The following PLXNA4 variants were observed in gnomAD, a reference collection of about 807,000 sequenced individuals.
PLXNA4 encodes plexin-A4.
Under a neutral mutation model 191.8 loss-of-function variants are expected in PLXNA4, and 44 were observed. That is an observed-to-expected ratio of 0.23 (90% confidence interval 0.18 to 0.29). The LOEUF (loss-of-function observed/expected upper bound fraction) is 0.29, where lower values mean the gene tolerates loss of function less well. Ranked by LOEUF, PLXNA4 falls within the 10% of genes least tolerant of loss-of-function variation. PLXNA4 has a pLI of 1.00. For missense variants in PLXNA4, 1,800 were observed against 2,488.8 expected (o/e 0.72, Z 5.89); for synonymous variants, 1,082 against 1,009.5 (o/e 1.07, Z -1.36).
intron 4 of PLXNA4, among the ~76,000 whole-genome samples, chr7:132,291,782 C>A (rs1303860409): frequency 6.6e-6 from 1 of 152,092 alleles, no homozygotes; most frequent in African/African-American, 2.4e-5. Context: ...ACACTGGAAC[C>A]CAAGGAGAGT....
At chr7:132,645,629 G>A (rs1304584210) in intron 2 of PLXNA4, among the ~76,000 whole-genome samples, 1 of 152,192 alleles carries the variant, frequency 6.6e-6, no homozygotes, top group African/African-American at 2.4e-5. Context: ...CCACTGGTAG[G>A]GGCTCATCTT....
In PLXNA4 at chr7:132,254,678, C is replaced by T. The variant is rs1018656900; in HGVS notation, c.1504-13512G>A. On this transcript the variant is annotated intron_variant, in intron 4 of 31. Transcript: ENST00000321063. ...GCTGCAGACGTAATGCAGAGCTTCC[C>T]GCTTCCATCTGCCAGGAGCTGACCC... 6.6e-5 allele frequency among the ~76,000 whole-genome samples: 10 copies of T among 152,176 alleles called. No individual in the cohort carries two copies. The East Asian group carries it at 9.7e-4, about 15-fold the overall frequency.
chr7:132,383,725 C>T, intron 3 of PLXNA4: 1 of 984,088 alleles, frequency 1.0e-6, no homozygotes, highest in African/African-American at 1.7e-5. Context: ...AAATGTGTAT[C>T]TTGGTGATTA....
intron 3 of PLXNA4, among the ~76,000 whole-genome samples, chr7:132,452,294 A>G (rs558716521): frequency 6.8e-4 from 104 of 152,334 alleles, no homozygotes; most frequent in African/African-American, 2.5e-3. Flanking sequence ...AGAGACAGCA[A>G]TAAAAGGCCA....
chr7:132,280,177 A>G (rs1800427134), intron 4 of PLXNA4, among the ~76,000 whole-genome samples: 1 of 152,142 alleles, frequency 6.6e-6, no homozygotes, highest in Non-Finnish European at 1.5e-5. Context: ...AGTTTGAAAA[A>G]CACTGGCTTG....
rs777484132 is a variant in PLXNA4 at position 132,179,682 on chromosome 7, A to G, written c.3874+5T>C. On this transcript the variant is annotated splice_donor_5th_base_variant and intron_variant, in intron 20 of 31. Coordinates refer to ENST00000321063, the MANE Select transcript of PLXNA4 (RefSeq NM_020911.2). ...CATGGCCTCCAGCATGGGGCCACTC[A>G]GTACCTTCCTTGCACTCCAGGGCCA... 1.2e-6 allele frequency: 2 copies of G among 1,610,484 alleles called. No individual in the cohort carries two copies. The highest frequency in any genetic ancestry group is 1.7e-5 in the Admixed American group (1 of 59,990).
chr7:132,279,696 T>C (rs1800407201), intron 4 of PLXNA4, among the ~76,000 whole-genome samples: 1 of 152,134 alleles, frequency 6.6e-6, no homozygotes, highest in Admixed American at 6.5e-5. Context: ...AGTCAAGAAC[T>C]TGAATCCAGT....
chr7:132,181,323 C>G (rs1234027308), intron 18 of PLXNA4, 58 bp downstream of exon 18: 1 of 1,603,274 alleles, frequency 6.2e-7, no homozygotes, highest in African/African-American at 1.3e-5. Flanking sequence ...TTGAACACCC[C>G]CTTCCATGCA....
intron 4 of PLXNA4, among the ~76,000 whole-genome samples, chr7:132,289,545 T>C (rs1198513312): frequency 2.0e-5 from 3 of 152,198 alleles, no homozygotes; most frequent in Non-Finnish European, 4.4e-5. Context: ...ATTTATTTTT[T>C]TTTTAGAGAA....
At chr7:132,204,518 A>G (rs1007408922) in intron 10 of PLXNA4, among the ~76,000 whole-genome samples, 3 of 152,232 alleles carry the variant, frequency 2.0e-5, no homozygotes, top group African/African-American at 7.2e-5. Context: ...CCAGAGGACC[A>G]GGTTTGAAGC....
At chr7:132,151,348 G>A (rs1584767463) in intron 25 of PLXNA4, among the ~76,000 whole-genome samples, 4 of 65,194 alleles carry the variant, frequency 6.1e-5, no homozygotes, top group Non-Finnish European at 1.2e-4. Context: ...GGAGGAGGAG[G>A]AAGAAGAAGG....
At chr7:132,507,299 G>C (rs1278137699) in intron 2 of PLXNA4, among the ~76,000 whole-genome samples, 1 of 152,162 alleles carries the variant, frequency 6.6e-6, no homozygotes, top group Non-Finnish European at 1.5e-5. Context: ...TTATGTTTCA[G>C]CTCCCACTCT....
At chr7:132,493,174 G>A (rs1797873397) in intron 2 of PLXNA4, among the ~76,000 whole-genome samples, 1 of 152,196 alleles carries the variant, frequency 6.6e-6, no homozygotes, top group Non-Finnish European at 1.5e-5. Flanking sequence ...TGGGGGAAGA[G>A]AATGTTTGCT....
chr7:132,145,199 G>A lies in PLXNA4; in HGVS notation c.5145C>T (p.Tyr1715=), dbSNP rs763400465. 2 of 1,614,208 alleles carry A rather than the reference G, an allele frequency of 1.2e-6. No homozygotes were observed. Among genetic ancestry groups the A allele is most frequent in the South Asian group, 1.1e-5 (1 of 91,088 alleles). Reference sequence around the variant, plus strand: ...CCTGCTCATCCAGGAAGTCAAACATGTACTTGATGGCCAGGGGCAGGGCAG... The same window carrying A: ...CCTGCTCATCCAGGAAGTCAAACATATACTTGATGGCCAGGGGCAGGGCAG... ...RGSALPLAIK[Y]MFDFLDEQAD... Residue 1715 remains tyrosine, a synonymous_variant, in exon 29 of 32, where the codon TAC becomes TAT. Coordinates refer to ENST00000321063, the MANE Select transcript of PLXNA4 (RefSeq NM_020911.2).
At chr7:132,204,621 C>T (rs983343406) in intron 10 of PLXNA4, among the ~76,000 whole-genome samples, 6 of 152,108 alleles carry the variant, frequency 3.9e-5, no homozygotes, top group African/African-American at 1.4e-4. Flanking sequence ...ATGGATATCA[C>T]AGGAGGCCAC....
chr7:132,379,707 T>C (rs1166832861), intron 3 of PLXNA4, among the ~76,000 whole-genome samples: 1 of 152,170 alleles, frequency 6.6e-6, no homozygotes, highest in Non-Finnish European at 1.5e-5. Context: ...AATGAAGAAA[T>C]AATCTTGTTC....
chr7:132,466,089 G>A (rs578020688), intron 3 of PLXNA4, among the ~76,000 whole-genome samples: 55 of 152,156 alleles, frequency 3.6e-4, no homozygotes, highest in Non-Finnish European at 6.6e-4. Flanking sequence ...CCTCAGAGAC[G>A]AAGAAGCTGG....
At chr7:132,631,537 T>C (rs1267958623) in intron 2 of PLXNA4, among the ~76,000 whole-genome samples, 3 of 152,162 alleles carry the variant, frequency 2.0e-5, no homozygotes, top group Non-Finnish European at 2.9e-5. Context: ...AATGAACACA[T>C]TGACTAGTGA....
intron 9 of PLXNA4, among the ~76,000 whole-genome samples, chr7:132,217,740 G>A (rs1478643587): frequency 1.3e-5 from 2 of 151,994 alleles, no homozygotes; most frequent in East Asian, 3.9e-4. Flanking sequence ...AGAGAGCAAA[G>A]TAATAATATA....
Sources: allele counts gnomAD v4.1 joint callset (sites outside exome capture counted in the v4.1 genomes callset), GRCh38; gene constraint gnomAD v4.1.1; transcripts MANE v1.5; gene names NCBI Gene and HGNC (gene_info 2026-07-23, HGNC 2026-07-21).